MAP2K7: variants seen among roughly 807,000 people sequenced by gnomAD.
MAP2K7 encodes mitogen-activated protein kinase kinase 7.
In MAP2K7, 12 loss-of-function variants were observed where a neutral mutation model predicts 47.7. That is an observed-to-expected ratio of 0.25 (90% CI 0.16 to 0.41). The LOEUF is 0.41. MAP2K7 is among the 10% of genes least tolerant of loss of function. The probability of loss-of-function intolerance (pLI) is 1.00; values close to 1 mark genes in which losing one functional copy is unlikely to be tolerated. For synonymous variants in MAP2K7, 299 were observed against 243.0 expected (o/e 1.23, Z -2.14); for missense variants, 415 against 600.3 (o/e 0.69, Z 3.23).
rs1983143084 is a variant in MAP2K7 at position 7,914,190 on chromosome 19, AGT to A, written c.*1766_*1767del. On this transcript the variant is annotated 3_prime_UTR_variant, in exon 11 of 11. Coordinates refer to ENST00000397979, the MANE Select transcript of MAP2K7 (RefSeq NM_145185.4). ...ATTTAACTTTATTTTCTGTTTTATG[AGT>A]GTGTGTCCGCCCACCCCCACCCCCT... 6.6e-6 allele frequency: 1 copy of A among 152,184 alleles called. No individual in the cohort carries two copies. Among genetic ancestry groups the A allele is most frequent in the South Asian group, 2.1e-4 (1 of 4,828 alleles). 9.4% of individuals were successfully genotyped at this position (152,184 alleles called of 1,614,324 possible).
In MAP2K7 at chr19:7,911,081, C is replaced by G. The variant is rs1280257687; in HGVS notation, c.777C>G (p.Leu259=). 2 of 1,612,660 alleles carry G rather than the reference C, an allele frequency of 1.2e-6. No individual in the cohort carries two copies. The highest frequency in any genetic ancestry group is 2.2e-5 in the East Asian group (1 of 44,862). ...ILLDERGQIK[L]CDFGISGRLV... ...TGGACGAGCGGGGCCAGATCAAGCT[C>G]TGCGACTTCGGCATCAGCGGCCGCC... is the stretch of plus-strand genomic sequence containing the variant. The change falls in exon 7 of 11, where the codon CTC becomes CTG. Residue 259 remains leucine, a synonymous_variant. Transcript: ENST00000397979.
Position 7,910,547 on chromosome 19 carries a change from A to G in MAP2K7, c.542A>G (p.Gln181Arg). The change falls in exon 5 of 11, where the codon CAG becomes CGG. Residue 181 changes from glutamine to arginine, a missense_variant. Gln to Arg is a conservative substitution (Grantham distance 43). Transcript: ENST00000397979. ...LKSHDCPYIV[Q>R]CFGTFITNTD... Reference sequence around the variant, plus strand: ...AGCCACGACTGCCCCTACATCGTGCAGTGCTTTGGGACGTTCATCACCAAC... The same window carrying G: ...AGCCACGACTGCCCCTACATCGTGCGGTGCTTTGGGACGTTCATCACCAAC... The G allele has an allele frequency of 6.2e-7, 1 of 1,613,656 alleles. No individual in the cohort carries two copies. Among genetic ancestry groups the G allele is most frequent in the Non-Finnish European group, 8.5e-7 (1 of 1,179,976 alleles).
intron 1 of MAP2K7, 41 bp from the exon 2 acceptor site, chr19:7,909,714 G>T: frequency 1.5e-6 from 2 of 1,373,148 alleles, no homozygotes; most frequent in Non-Finnish European, 2.0e-6. Flanking sequence ...CACCAGCTGG[G>T]CGCTGACCCC....
chr19:7,908,506 T>C (rs1982605401), intron 1 of MAP2K7, among the ~76,000 whole-genome samples: 1 of 152,150 alleles, frequency 6.6e-6, no homozygotes, highest in Non-Finnish European at 1.5e-5. Flanking sequence ...CGGGTTTGTC[T>C]GTTCATATTA....
At chr19:7,907,789 C>T (rs192180776) in intron 1 of MAP2K7, among the ~76,000 whole-genome samples, 402 of 151,870 alleles carry the variant, frequency 2.6e-3, no homozygotes, top group African/African-American at 9.0e-3. Context: ...AGGGTGTGAG[C>T]GGGACTCGGA....
intron 1 of MAP2K7, chr19:7,904,416 C>T (rs1382016528): frequency 5.4e-6 from 2 of 369,826 alleles, no homozygotes; most frequent in Admixed American, 3.2e-5. Context: ...AGACACGTCC[C>T]TGTTGACCTG....
At chr19:7,904,237 G>T (rs1482602607) in intron 1 of MAP2K7, among the ~76,000 whole-genome samples, 169 bp downstream of exon 1, 1 of 151,976 alleles carries the variant, frequency 6.6e-6, no homozygotes, top group Non-Finnish European at 1.5e-5. Flanking sequence ...CCCGGGGGGC[G>T]TGGAGCCGGC....
chr19:7,905,229 C>T (rs115529257), intron 1 of MAP2K7, among the ~76,000 whole-genome samples: 11 of 151,810 alleles, frequency 7.2e-5, no homozygotes, highest in African/African-American at 2.4e-4. Flanking sequence ...TTATTTAGTT[C>T]TCTCTATGGA....
intron 1 of MAP2K7, among the ~76,000 whole-genome samples, chr19:7,905,416 G>A (rs185973615): frequency 1.3e-5 from 2 of 152,280 alleles, no homozygotes; most frequent in Non-Finnish European, 2.9e-5. Flanking sequence ...TGGAGGTGGG[G>A]ATTCTGGTGC....
Position 7,912,820 on chromosome 19 carries a change from T to A in MAP2K7, c.*389T>A, listed in dbSNP as rs1025710410. ...TCCTTCGCCACTCCCACGCGCCCGT[T>A]CCTCTTCCGTCGCCCTCTGTCCCCT... On this transcript the variant is annotated 3_prime_UTR_variant, in exon 11 of 11. Coordinates refer to ENST00000397979, the MANE Select transcript of MAP2K7 (RefSeq NM_145185.4). 3 of 237,856 alleles carry A rather than the reference T, an allele frequency of 1.3e-5. No individual in the cohort carries two copies. Among genetic ancestry groups the A allele is most frequent in the African/African-American group, 6.9e-5 (3 of 43,452 alleles). The allele number at this position is 237,856 out of a possible 1,614,324, so 14.7% of individuals were successfully genotyped here. A position where few individuals can be genotyped will look rare whatever the true frequency, so the allele number is the denominator to read the frequency against.
At chr19:7,908,360 C>T (rs866678569) in intron 1 of MAP2K7, among the ~76,000 whole-genome samples, 9 of 152,254 alleles carry the variant, frequency 5.9e-5, no homozygotes, top group Non-Finnish European at 8.8e-5. Context: ...ACAGCTCCTG[C>T]AGGGGCTGGC....
intron 1 of MAP2K7, 53 bp downstream of exon 1, chr19:7,904,121 C>T (rs1982272346): frequency 8.4e-7 from 1 of 1,190,738 alleles, no homozygotes; most frequent in Non-Finnish European, 1.0e-6. Context: ...GGGCGCGCGC[C>T]GCGGGAGGCC....
At chr19:7,905,827 C>T in intron 1 of MAP2K7, 7 of 1,612,172 alleles carry the variant, frequency 4.3e-6, no homozygotes, top group Non-Finnish European at 5.9e-6. Context: ...TCACTCTAAG[C>T]CCTGCTCCTG....
At chr19:7,909,216 A>T (rs1325498083) in intron 1 of MAP2K7, among the ~76,000 whole-genome samples, 1 of 152,182 alleles carries the variant, frequency 6.6e-6, no homozygotes, top group African/African-American at 2.4e-5. Flanking sequence ...CCGGAACAGA[A>T]GATAGGGCAA....
At chr19:7,911,650 G>A in intron 9 of MAP2K7, 72 bp downstream of exon 9, 1 of 1,418,996 alleles carries the variant, frequency 7.0e-7, no homozygotes, top group Non-Finnish European at 9.4e-7. Flanking sequence ...GCAATGGCAG[G>A]AGGGGAATGG....
rs200708837 is a variant in MAP2K7 at position 7,910,601 on chromosome 19, C to A, written c.567+29C>A. ...AGTACCTGGCCGCGCCCTGCAGCGT[C>A]TCCTCCTCCCTCACCCCTGCCCCTT... On this transcript the variant is annotated intron_variant, in intron 5 of 10. Transcript: ENST00000397979. 6.5e-4 allele frequency: 1,050 copies of A among 1,612,672 alleles called. 2 individuals are homozygous for A. The highest frequency in any genetic ancestry group is 1.3e-3 in the South Asian group (116 of 91,064).
chr19:7,913,888 C>T lies in MAP2K7; in HGVS notation c.*1457C>T, dbSNP rs202049550. 2.6e-5 allele frequency: 4 copies of T among 152,542 alleles called. No individual in the cohort carries two copies. Among genetic ancestry groups the T allele is most frequent in the African/African-American group, 9.7e-5 (4 of 41,448 alleles). The allele number at this position is 152,542 out of a possible 1,614,324, so 9.4% of individuals were successfully genotyped here. Reference sequence around the variant, plus strand: ...TAGCATCCCTCTCCTCTCACTTAGCCTGTTGACTCTTGTTATTATCATGAT... The same window carrying T: ...TAGCATCCCTCTCCTCTCACTTAGCTTGTTGACTCTTGTTATTATCATGAT... On this transcript the variant is annotated 3_prime_UTR_variant, in exon 11 of 11. Transcript: ENST00000397979.
Position 7,912,630 on chromosome 19 carries a change from A to C in MAP2K7, c.*199A>C. ...CCCCCGCCCTTCCCACCCCGGGGTC[A>C]GCCGGCCGTGTGCGTCCCCCGACAG... On this transcript the variant is annotated 3_prime_UTR_variant, in exon 11 of 11. Coordinates refer to ENST00000397979, the MANE Select transcript of MAP2K7 (RefSeq NM_145185.4). 1 of 620,946 alleles carries C rather than the reference A, an allele frequency of 1.6e-6. No individual in the cohort carries two copies. Among genetic ancestry groups the C allele is most frequent in the East Asian group, 2.9e-5 (1 of 34,766 alleles). 38.5% of individuals were successfully genotyped at this position (620,946 alleles called of 1,614,324 possible). A position where few individuals can be genotyped will look rare whatever the true frequency, so the allele number is the denominator to read the frequency against.
intron 1 of MAP2K7, 152 bp downstream of exon 1, chr19:7,904,220 A>T (rs1455696190): frequency 3.1e-6 from 2 of 644,172 alleles, no homozygotes; most frequent in African/African-American, 2.0e-5. Context: ...GGCGAGGGTC[A>T]CGGTGACCCG....
Sources: allele counts gnomAD v4.1 joint callset (sites outside exome capture counted in the v4.1 genomes callset), GRCh38; gene constraint gnomAD v4.1.1; transcripts MANE v1.5; gene names NCBI Gene and HGNC (gene_info 2026-07-23, HGNC 2026-07-21).